The following GNB1 variants were observed in gnomAD, a reference collection of about 807,000 sequenced individuals.
The protein encoded by GNB1 is G protein subunit beta 1, also known as guanine nucleotide-binding protein G(I)/G(S)/G(T) subunit beta-1.
In GNB1, 2 loss-of-function variants were observed where a neutral mutation model predicts 42.9. That is an observed-to-expected ratio of 0.05 (90% CI 0.02 to 0.15). The LOEUF (loss-of-function observed/expected upper bound fraction) is 0.15. Among genes scored for constraint, GNB1 ranks in the 10% least tolerant of loss-of-function variants. The pLI is 1.00. For synonymous variants in GNB1, 183 were observed against 174.7 expected, an observed-to-expected ratio of 1.05 and a Z score of -0.38; for missense variants, 193 against 462.2, an observed-to-expected ratio of 0.42 and a Z score of 5.34.
chr1:1,889,227 C>A lies in GNB1; in HGVS notation c.-96+1593G>T, dbSNP rs142855414. Among the ~76,000 whole-genome samples the A allele has an allele frequency of 8.5e-3, 1,300 of 152,254 alleles. 9 individuals are homozygous for A. The highest frequency in any genetic ancestry group is 0.013 in the Non-Finnish European group (869 of 68,008). On this transcript the variant is annotated intron_variant, in intron 1 of 11. Transcript: ENST00000378609. ...TCCACAAAACTAATACGTCCATTTG[C>A]TAATCATGAAAAATAATCTTCATAT...
At position 1,790,917 on chromosome 1, in the gene GNB1, T is replaced by C. The variant is rs1348323382; in HGVS notation, c.498-321A>G. Among the ~76,000 whole-genome samples the C allele has an allele frequency of 6.6e-6, 1 of 152,066 alleles. No individual in the cohort carries two copies. Among genetic ancestry groups the C allele is most frequent in the Non-Finnish European group, 1.5e-5 (1 of 68,006 alleles). ...GCACCACTGAGGCTGTGCCCCCTCTTTGGTCATGGATGGGCATGGAAGGGG... is the reference window on the plus strand; with the variant it reads ...GCACCACTGAGGCTGTGCCCCCTCTCTGGTCATGGATGGGCATGGAAGGGG... On this transcript the variant is annotated intron_variant, in intron 8 of 11. Transcript: ENST00000378609. This position sits in a 1 kb window ranked among gnomAD's most constrained non-coding sequence, Gnocchi z 5.4.
chr1:1,823,242 G>GAAAAAAA (rs745874003), intron 3 of GNB1, among the ~76,000 whole-genome samples: 1 of 36,850 alleles, frequency 2.7e-5, no homozygotes. Context: ...ACTGTCTCCA[G>GAAAAAAA]AAAAAAAAAA....
At chr1:1,859,011 T>C (rs535592208) in intron 1 of GNB1, among the ~76,000 whole-genome samples, 2 of 151,924 alleles carry the variant, frequency 1.3e-5, no homozygotes, top group African/African-American at 4.8e-5. Context: ...CTTCAATTTA[T>C]GGGTATTTAT....
At chr1:1,882,883 T>G (rs1649931323) in intron 1 of GNB1, among the ~76,000 whole-genome samples, 2 of 150,302 alleles carry the variant, frequency 1.3e-5, no homozygotes, top group South Asian at 4.2e-4. Context: ...ATCATGTCAC[T>G]GCACTCCAGC....
intron 5 of GNB1, among the ~76,000 whole-genome samples, chr1:1,809,189 ATTT>A (rs34549355): frequency 1.4e-4 from 13 of 92,678 alleles, no homozygotes; most frequent in Non-Finnish European, 1.3e-4. Context: ...TTCAGATGCA[ATTT>A]TTTTTTTTTT....
At chr1:1,867,709 T>G (rs1649020714) in intron 1 of GNB1, among the ~76,000 whole-genome samples, 1 of 152,216 alleles carries the variant, frequency 6.6e-6, no homozygotes, top group Non-Finnish European at 1.5e-5. Flanking sequence ...GAACTATAGT[T>G]CAGAGGCCCC....
intron 2 of GNB1, among the ~76,000 whole-genome samples, chr1:1,826,555 G>A (rs763666800): frequency 9.2e-5 from 14 of 152,124 alleles, no homozygotes; most frequent in Non-Finnish European, 1.6e-4. Flanking sequence ...ACCATGAACC[G>A]CTACTGGTCA....
chr1:1,793,329 T>A lies in GNB1; in HGVS notation c.431-18A>T. 1 of 1,594,726 alleles carries A rather than the reference T, an allele frequency of 6.3e-7. No individual in the cohort carries two copies. The highest frequency in any genetic ancestry group is 8.6e-7 in the Non-Finnish European group (1 of 1,163,122). On this transcript the variant is annotated intron_variant, in intron 7 of 11. Transcript: ENST00000378609. Reference sequence around the variant, plus strand: ...CAGGTAACCTGGCAAAGAACAGGCCTAAGTGATGAGCTGAATCCAGCAGGC... The same window carrying A: ...CAGGTAACCTGGCAAAGAACAGGCCAAAGTGATGAGCTGAATCCAGCAGGC...
At chr1:1,794,757 C>G (rs1646524647) in intron 7 of GNB1, among the ~76,000 whole-genome samples, 1 of 152,162 alleles carries the variant, frequency 6.6e-6, no homozygotes, top group Non-Finnish European at 1.5e-5. Flanking sequence ...GTGATGTGAT[C>G]TCGGCTCACC....
At chr1:1,868,515 G>A (rs1444619094) in intron 1 of GNB1, among the ~76,000 whole-genome samples, 2 of 152,110 alleles carry the variant, frequency 1.3e-5, no homozygotes, top group African/African-American at 2.4e-5. Flanking sequence ...GGGCACAGTT[G>A]CTCACGCCTG....
intron 1 of GNB1, among the ~76,000 whole-genome samples, chr1:1,877,965 C>T (rs1351875301): frequency 6.6e-6 from 1 of 152,170 alleles, no homozygotes; most frequent in Non-Finnish European, 1.5e-5. Flanking sequence ...CAAATGCAGA[C>T]ACAGAAGTCT....
At chr1:1,846,045 G>A (rs2101382368) in intron 1 of GNB1, among the ~76,000 whole-genome samples, 1 of 152,172 alleles carries the variant, frequency 6.6e-6, no homozygotes, top group South Asian at 2.1e-4. Flanking sequence ...ATGGCAGAAA[G>A]GAAGGGCTCC....
intron 1 of GNB1, among the ~76,000 whole-genome samples, chr1:1,846,946 T>A (rs1647700214): frequency 6.6e-6 from 1 of 152,128 alleles, no homozygotes; most frequent in Admixed American, 6.6e-5. Context: ...TTAAAAAATG[T>A]TAAGATAACA....
chr1:1,853,969 C>T (rs1201142174), intron 1 of GNB1, among the ~76,000 whole-genome samples: 2 of 152,104 alleles, frequency 1.3e-5, no homozygotes, highest in African/African-American at 2.4e-5. Context: ...TATCTGGGTT[C>T]GTATTTGTAT....
At chr1:1,828,783 T>C (rs1386152444) in intron 2 of GNB1, among the ~76,000 whole-genome samples, 3 of 152,144 alleles carry the variant, frequency 2.0e-5, no homozygotes. Flanking sequence ...CATGGTGGGC[T>C]ATAATCCCAA....
At chr1:1,789,625 G>A (rs1646454847) in intron 9 of GNB1, among the ~76,000 whole-genome samples, 1 of 151,896 alleles carries the variant, frequency 6.6e-6, no homozygotes, top group African/African-American at 2.4e-5. Flanking sequence ...CCGGGAGGCG[G>A]CGGAGGCTGC....
At chr1:1,832,705 C>A (rs776875920) in intron 2 of GNB1, among the ~76,000 whole-genome samples, 1 of 152,184 alleles carries the variant, frequency 6.6e-6, no homozygotes, top group Non-Finnish European at 1.5e-5. Flanking sequence ...GGCACCTCAG[C>A]GGTGCCCTCA....
At chr1:1,825,547 T>C in intron 2 of GNB1, 48 bp from the exon 3 acceptor site, 1 of 971,280 alleles carries the variant, frequency 1.0e-6, no homozygotes, top group Non-Finnish European at 1.7e-6. Context: ...TTGGATAATT[T>C]AATGAAGCAG....
At position 1,790,657 on chromosome 1, in the gene GNB1, TGACA is replaced by T. The variant is rs1302342566; in HGVS notation, c.498-65_498-62del. The T allele has an allele frequency of 2.0e-5, 23 of 1,163,198 alleles. No homozygotes were observed. The highest frequency in any genetic ancestry group is 1.1e-4 in the Admixed American group (6 of 54,786). 72.1% of individuals were successfully genotyped at this position (1,163,198 alleles called of 1,614,324 possible). ...TTAACTTCTTGGGTGGCTAGTCATG[TGACA>T]GACAATCTGTCCTTCAAACCACCCA... is the stretch of plus-strand genomic sequence containing the variant. On this transcript the variant is annotated intron_variant, in intron 8 of 11. Transcript: ENST00000378609. This position sits in a 1 kb window ranked among gnomAD's most constrained non-coding sequence, Gnocchi z 5.4.
Sources: allele counts gnomAD v4.1 joint callset (sites outside exome capture counted in the v4.1 genomes callset), GRCh38; gene constraint gnomAD v4.1.1; non-coding constraint Gnocchi (gnomAD v3.1); transcripts MANE v1.5; gene names NCBI Gene and HGNC (gene_info 2026-07-23, HGNC 2026-07-21).